HAUS8: variants seen among roughly 807,000 people sequenced by gnomAD.
HAUS8 encodes HAUS augmin like complex subunit 8, also known as HAUS augmin-like complex subunit 8.
In HAUS8, 38 loss-of-function variants were observed where a neutral mutation model predicts 42.9. That is an observed-to-expected ratio of 0.89 (90% confidence interval 0.68 to 1.16). HAUS8 has a LOEUF of 1.16. HAUS8 is among the 50% of genes most tolerant of loss of function. HAUS8 has a pLI of 0.00. For synonymous variants in HAUS8, 199 were observed against 205.8 expected (o/e 0.97, Z 0.28); for missense variants, 494 against 511.6 (o/e 0.97, Z 0.33).
intron 8 of HAUS8, among the ~76,000 whole-genome samples, chr19:17,058,175 C>G (rs1013640468): frequency 6.6e-6 from 1 of 152,228 alleles, no homozygotes; most frequent in African/African-American, 2.4e-5. Context: ...TCCTGTCCTT[C>G]TCCCACATGG....
At chr19:17,053,870 G>A (rs2057303672) in intron 9 of HAUS8, among the ~76,000 whole-genome samples, 1 of 151,924 alleles carries the variant, frequency 6.6e-6, no homozygotes, top group Non-Finnish European at 1.5e-5. Flanking sequence ...TCACCGTCTT[G>A]GCCAGGATGG....
intron 2 of HAUS8, among the ~76,000 whole-genome samples, chr19:17,072,933 T>C (rs1034531048): frequency 3.9e-5 from 5 of 128,138 alleles, no homozygotes; most frequent in South Asian, 4.8e-4. Flanking sequence ...CTGGGTAACA[T>C]AGTGAGACCC....
chr19:17,075,332 C>A (rs371156059), intron 1 of HAUS8, 62 bp downstream of exon 1: 8 of 1,586,544 alleles, frequency 5.0e-6, no homozygotes, highest in Non-Finnish European at 6.9e-6. Flanking sequence ...CCCACCTCCG[C>A]TGCCCATCCT....
In HAUS8 at chr19:17,066,091, G is replaced by A. The variant is rs376388854; in HGVS notation, c.147+2940C>T. ...CTGCCTCAGCCTCCCGAGTAGCTGG[G>A]ACTATAAGCACTCACCACTACGCAC... is the stretch of plus-strand genomic sequence containing the variant. On this transcript the variant is annotated intron_variant, in intron 3 of 10. Transcript: ENST00000253669. Among the ~76,000 whole-genome samples the A allele has an allele frequency of 5.2e-3, 791 of 152,084 alleles. 5 individuals are homozygous for A. Among genetic ancestry groups the A allele is most frequent in the African/African-American group, 0.018 (743 of 41,478 alleles).
rs191432183 is a variant in HAUS8, at chr19:17,056,423, C to A, written c.646-421G>T. On this transcript the variant is annotated intron_variant, in intron 8 of 10. Coordinates refer to ENST00000253669, the MANE Select transcript of HAUS8 (RefSeq NM_033417.2). ...TTTGGGGCATCAACCCCTGTGCAGT[C>A]AAAAATCTGTATCTAACTTTTGACT... Among the ~76,000 whole-genome samples, 17 of 152,240 alleles carry A rather than the reference C, an allele frequency of 1.1e-4. No individual in the cohort carries two copies. The East Asian group carries it at 3.1e-3, about 28-fold the overall frequency.
intron 2 of HAUS8, 89 bp downstream of exon 2, chr19:17,073,185 C>G: frequency 1.7e-6 from 2 of 1,151,954 alleles, no homozygotes; most frequent in Non-Finnish European, 2.6e-6. Context: ...GCCACAGGCC[C>G]CCTTCTCTGG....
At chr19:17,050,203 G>A (rs775183196) in intron 10 of HAUS8, 27 bp from the exon 11 acceptor site, 10 of 1,460,320 alleles carry the variant, frequency 6.8e-6, no homozygotes, top group East Asian at 5.1e-5. Context: ...AAAGAATAAC[G>A]GCTTTCACCC....
At chr19:17,050,909 A>C (rs555500321) in intron 10 of HAUS8, among the ~76,000 whole-genome samples, 79 of 152,124 alleles carry the variant, frequency 5.2e-4, no homozygotes, top group Non-Finnish European at 9.4e-4. Context: ...AAAAAAAAAA[A>C]ATTAGCTGGG....
At chr19:17,052,604 G>A (rs551244637) in intron 10 of HAUS8, 10 of 460,708 alleles carry the variant, frequency 2.2e-5, no homozygotes, top group South Asian at 1.3e-4. Context: ...AAGGCAAGGC[G>A]GGTGCTTTTG....
chr19:17,056,805 G>A (rs1267275444), intron 8 of HAUS8, among the ~76,000 whole-genome samples: 1 of 151,850 alleles, frequency 6.6e-6, no homozygotes, highest in African/African-American at 2.4e-5. Context: ...TGGCCAGGCT[G>A]GTCTCAAACT....
At chr19:17,068,779 G>A (rs898106228) in intron 3 of HAUS8, among the ~76,000 whole-genome samples, 1 of 152,016 alleles carries the variant, frequency 6.6e-6, no homozygotes, top group African/African-American at 2.4e-5. Context: ...CAAAAAAAAA[G>A]GGTAAGAACG....
rs142481772 is a variant in HAUS8 at position 17,055,903 on chromosome 19, C to T, written c.745G>A (p.Val249Met). The change falls in exon 9 of 11, where the codon GTG (valine) becomes ATG (methionine). Residue 249 changes from valine to methionine, a missense_variant. Val to Met is a conservative substitution (Grantham distance 21, BLOSUM62 1). Transcript: ENST00000253669. ...ALDTTRHELP[V>M]RSIHLEGDGQ... ...TCTCCCTCCAGGTGGATGGACCTCA[C>T]GGGCAGCTCGTGCCTGGTAGTGTCC... The T allele has an allele frequency of 1.7e-4, 269 of 1,614,144 alleles. 1 individual carries two copies. The Middle Eastern group carries it at 2.3e-3, about 14-fold the overall frequency.
At position 17,050,079 on chromosome 19, in the gene HAUS8, G is replaced by A; in HGVS notation, c.1027C>T (p.Pro343Ser). ...TCTTGATTGAAATACCACCGGCTGG[G>A]GGGCGCCATGCCCTGGGTCTCTTCC... ...VWEETQGMAP[P>S]SRWYFNQDSA... The change falls in exon 11 of 11, where the codon CCC becomes TCC. Residue 343 changes from proline (P) to serine (S), a missense_variant. Physicochemically the swap from Pro to Ser is moderately conservative, Grantham distance 74. Coordinates refer to ENST00000253669, the MANE Select transcript of HAUS8 (RefSeq NM_033417.2). The A allele has an allele frequency of 6.2e-7, 1 of 1,603,594 alleles. No individual in the cohort carries two copies. The highest frequency in any genetic ancestry group is 8.5e-7 in the Non-Finnish European group (1 of 1,175,128).
rs1012299233 is a variant in HAUS8, at chr19:17,049,895, C to T, written c.1211G>A (p.Arg404His). 8.0e-6 allele frequency: 12 copies of T among 1,498,110 alleles called. No homozygotes were observed. Among genetic ancestry groups the T allele is most frequent in the South Asian group, 5.6e-5 (4 of 71,846 alleles). 92.8% of individuals were successfully genotyped at this position (1,498,110 alleles called of 1,614,324 possible). The change falls in exon 11 of 11, where the codon CGT becomes CAT. Residue 404 changes from arginine (R) to histidine (H), a missense_variant. Physicochemically the swap from Arg to His is conservative, Grantham distance 29 (BLOSUM62 0). Coordinates refer to ENST00000253669, the MANE Select transcript of HAUS8 (RefSeq NM_033417.2). ...SQAEVPPSLS[R>H]SGRDLS ...GAGTCATGACAAGTCCCTCCCTGAA[C>T]GAGAGAGAGAGGGCGGGACTTCTGC...
chr19:17,065,054 G>A (rs991254730), intron 3 of HAUS8, among the ~76,000 whole-genome samples: 2 of 152,108 alleles, frequency 1.3e-5, no homozygotes, highest in African/African-American at 4.8e-5. Flanking sequence ...AGACACATCC[G>A]CAAAGATACA....
In HAUS8 at chr19:17,049,851, G is replaced by C; in HGVS notation, c.*22C>G. On this transcript the variant is annotated 3_prime_UTR_variant, in exon 11 of 11. Coordinates refer to ENST00000253669, the MANE Select transcript of HAUS8 (RefSeq NM_033417.2). ...CTACGGTAGTATATAAAGTGCTCAA[G>C]TATCCTGAATGTAACCATGAGTCAT... is the stretch of plus-strand genomic sequence containing the variant. 6.9e-7 allele frequency: 1 copy of C among 1,443,452 alleles called. No individual in the cohort carries two copies. Among genetic ancestry groups the C allele is most frequent in the African/African-American group, 1.4e-5 (1 of 69,296 alleles). The allele number at this position is 1,443,452 out of a possible 1,614,324, so 89.4% of individuals were successfully genotyped here.
chr19:17,059,477 C>T, intron 6 of HAUS8, 80 bp downstream of exon 6: 1 of 970,940 alleles, frequency 1.0e-6, no homozygotes, highest in South Asian at 1.4e-5. Context: ...TCCGTGGGCA[C>T]TCAGCATCTG....
chr19:17,066,852 A>G (rs1295158912), intron 3 of HAUS8, among the ~76,000 whole-genome samples: 5 of 152,226 alleles, frequency 3.3e-5, no homozygotes, highest in African/African-American at 1.2e-4. Context: ...CTGCCTGTCA[A>G]TCAATGAACA....
Position 17,075,409 on chromosome 19 carries a change from G to A in HAUS8, c.14C>T (p.Ser5Leu), listed in dbSNP as rs367760476. Residue 5 changes from serine (S) to leucine (L), a missense_variant, in exon 1 of 11, where the codon TCG becomes TTG. By Grantham distance (145) the Ser-to-Leu change is moderately radical (BLOSUM62 -2). Coordinates refer to ENST00000253669, the MANE Select transcript of HAUS8 (RefSeq NM_033417.2). ...CCCAACTCACCCAGCGCCTCGCCCC[G>A]AGGAATCCGCCATTTTCCCGCCTTC... MADS[S>L]GRGAGKPATG... 91 of 1,613,840 alleles carry A rather than the reference G, an allele frequency of 5.6e-5. No individual in the cohort carries two copies. Among genetic ancestry groups the A allele is most frequent in the African/African-American group, 2.4e-4 (18 of 75,036 alleles).
Sources: gnomAD v4.1 joint callset for allele counts (sites outside exome capture counted in the v4.1 genomes callset) on GRCh38, gnomAD v4.1.1 for gene constraint, MANE v1.5 for transcripts, NCBI Gene and HGNC (gene_info 2026-07-23, HGNC 2026-07-21) for gene names.